NSD2: variants seen among roughly 807,000 people sequenced by gnomAD.
NSD2 encodes histone-lysine N-methyltransferase NSD2.
A neutral mutation model predicts 139.0 loss-of-function variants in NSD2; 12 were observed. The ratio of observed to expected loss-of-function variants is 0.09; its 90% CI spans 0.06 to 0.14. NSD2 has a LOEUF of 0.14. NSD2 is among the 10% of genes least tolerant of loss of function. The pLI is 1.00. For missense variants in NSD2, 1,155 were observed against 1,745.0 expected (o/e 0.66, Z 6.02); for synonymous variants, 669 against 648.7 (o/e 1.03, Z -0.48).
In NSD2 at chr4:1,972,274, A is replaced by T. The variant is rs1472298788; in HGVS notation, c.3373-2589A>T. On this transcript the variant is annotated intron_variant, in intron 18 of 21. Transcript: ENST00000508803. The surrounding 1 kb of genome is among the most constrained non-coding windows in gnomAD (Gnocchi z 4.0). ...GTCACTGACGGACACAAGAGATGATATGGATGAGTGGCGGTACAGGCTATG... is the reference window on the plus strand; with the variant it reads ...GTCACTGACGGACACAAGAGATGATTTGGATGAGTGGCGGTACAGGCTATG... 1.3e-5 allele frequency among the ~76,000 whole-genome samples: 2 copies of T among 152,146 alleles called. No individual in the cohort carries two copies. The highest frequency in any genetic ancestry group is 2.9e-5 in the Non-Finnish European group (2 of 68,022).
chr4:1,974,203 G>A lies in NSD2; in HGVS notation c.3373-660G>A, dbSNP rs1366633219. 2.6e-5 allele frequency among the ~76,000 whole-genome samples: 4 copies of A among 151,688 alleles called. No individual in the cohort carries two copies. Among genetic ancestry groups the A allele is most frequent in the African/African-American group, 9.7e-5 (4 of 41,202 alleles). ...TTCTTTGCATCCTTTGCTGGTTTTC[G>A]GTTGGGTGAGTCTTTTTTTTTTTTG... On this transcript the variant is annotated intron_variant, in intron 18 of 21. Coordinates refer to ENST00000508803, the MANE Select transcript of NSD2 (RefSeq NM_001042424.3). The surrounding 1 kb of genome is among the most constrained non-coding windows in gnomAD (Gnocchi z 4.0).
intron 5 of NSD2, among the ~76,000 whole-genome samples, chr4:1,925,014 C>T (rs1459411426): frequency 6.6e-6 from 1 of 152,180 alleles, no homozygotes; most frequent in Non-Finnish European, 1.5e-5. Context: ...GCCCATGGGG[C>T]CTCCCTTCCC....
At position 1,918,572 on chromosome 4, in the gene NSD2, G is replaced by A. The variant is rs1719720566; in HGVS notation, c.1359G>A (p.Lys453=). 1 of 1,613,948 alleles carries A rather than the reference G, an allele frequency of 6.2e-7. No individual in the cohort carries two copies. Among genetic ancestry groups the A allele is most frequent in the East Asian group, 2.2e-5 (1 of 44,876 alleles). Reference sequence around the variant, plus strand: ...CAGTCTCCATGCCACGAAGCAGGAAGGGAGATGCAGCATCCCAGTTTTTGG... The same window carrying A: ...CAGTCTCCATGCCACGAAGCAGGAAAGGAGATGCAGCATCCCAGTTTTTGG... The part of the protein sequence containing the change: ...KTTVSMPRSR[K]GDAASQFLVF... The change falls in exon 5 of 22, where the codon AAG becomes AAA. Residue 453 remains lysine (K), a synonymous_variant. Coordinates refer to ENST00000508803, the MANE Select transcript of NSD2 (RefSeq NM_001042424.3).
chr4:1,959,389 T>C, intron 16 of NSD2, 82 bp from the exon 17 acceptor site: 1 of 1,533,806 alleles, frequency 6.5e-7, no homozygotes, highest in Non-Finnish European at 8.9e-7. Flanking sequence ...GGAGGCTGGG[T>C]AAGGAGAGGC....
chr4:1,932,505 G>C (rs1721770858), intron 6 of NSD2, among the ~76,000 whole-genome samples: 1 of 151,652 alleles, frequency 6.6e-6, no homozygotes, highest in African/African-American at 2.4e-5. Context: ...CCAGCACTTT[G>C]GGAGGCCGAG....
At chr4:1,908,817 C>T (rs1718283220) in intron 3 of NSD2, among the ~76,000 whole-genome samples, 1 of 152,068 alleles carries the variant, frequency 6.6e-6, no homozygotes, top group Admixed American at 6.6e-5. Flanking sequence ...CTCTGTTGCT[C>T]TGTCCAGGCT....
chr4:1,968,387 G>A (rs922368912), intron 18 of NSD2, among the ~76,000 whole-genome samples: 12 of 152,196 alleles, frequency 7.9e-5, no homozygotes, highest in East Asian at 3.8e-4. Flanking sequence ...AGGGAGCACC[G>A]GGAGCGTGGT....
chr4:1,926,432 T>C (rs910222685), intron 5 of NSD2, among the ~76,000 whole-genome samples: 13 of 151,556 alleles, frequency 8.6e-5, no homozygotes, highest in Non-Finnish European at 1.0e-4. Context: ...CGATTACAGG[T>C]GTGAGCCACC....
At chr4:1,938,887 C>T (rs1017748972) in intron 8 of NSD2, among the ~76,000 whole-genome samples, 3 of 152,110 alleles carry the variant, frequency 2.0e-5, no homozygotes, top group Non-Finnish European at 4.4e-5. Flanking sequence ...TTCTGTCACC[C>T]TTCAGTACCC....
intron 1 of NSD2, among the ~76,000 whole-genome samples, chr4:1,887,911 CT>C (rs61238782): frequency 0.013 from 1,974 of 149,034 alleles, 45 homozygotes; most frequent in Middle Eastern, 0.062. Flanking sequence ...TCCTTTTTTT[CT>C]TTTTTTTTTC....
intron 3 of NSD2, among the ~76,000 whole-genome samples, chr4:1,911,543 G>T (rs1393823404): frequency 7.3e-6 from 1 of 136,352 alleles, no homozygotes; most frequent in Non-Finnish European, 1.5e-5. Context: ...ACCCGAGATC[G>T]CAGTACTGCA....
rs1474400103 is a variant in NSD2, at chr4:1,958,952, C to T, written c.2986-519C>T. 6.6e-6 allele frequency among the ~76,000 whole-genome samples: 1 copy of T among 152,202 alleles called. No homozygotes were observed. Among genetic ancestry groups the T allele is most frequent in the Non-Finnish European group, 1.5e-5 (1 of 68,038 alleles). On this transcript the variant is annotated intron_variant, in intron 16 of 21. Coordinates refer to ENST00000508803, the MANE Select transcript of NSD2 (RefSeq NM_001042424.3). This position sits in a 1 kb window ranked among gnomAD's most constrained non-coding sequence, Gnocchi z 4.6. Reference sequence around the variant, plus strand: ...ACTGCTTTGTTATTTGGTTGCTTGTCTTTCACTAATAGTAAACCACAAGGT... The same window carrying T: ...ACTGCTTTGTTATTTGGTTGCTTGTTTTTCACTAATAGTAAACCACAAGGT...
chr4:1,878,012 G>GT (rs1714386000), intron 1 of NSD2, among the ~76,000 whole-genome samples: 1 of 151,860 alleles, frequency 6.6e-6, no homozygotes, highest in Non-Finnish European at 1.5e-5. Flanking sequence ...CTGGGTGGCA[G>GT]TAAGACTCTG....
chr4:1,975,423 C>T (rs1195725867), intron 20 of NSD2, 23 bp downstream of exon 20: 7 of 1,602,480 alleles, frequency 4.4e-6, no homozygotes, highest in South Asian at 2.2e-5. Flanking sequence ...CGCCCTCCTT[C>T]CCCCCAGGCT....
intron 5 of NSD2, among the ~76,000 whole-genome samples, chr4:1,921,114 G>T (rs891740895): frequency 2.0e-5 from 3 of 152,136 alleles, no homozygotes; most frequent in African/African-American, 7.2e-5. Context: ...TCTGTTTAAG[G>T]ATATGTATCA....
chr4:1,881,348 C>T (rs529914988), intron 1 of NSD2, among the ~76,000 whole-genome samples: 3 of 152,248 alleles, frequency 2.0e-5, no homozygotes, highest in South Asian at 4.1e-4. Flanking sequence ...CTGCAACCTC[C>T]GCCTCCTGGG....
chr4:1,908,363 C>T (rs1205836632), intron 3 of NSD2, among the ~76,000 whole-genome samples: 1 of 152,238 alleles, frequency 6.6e-6, no homozygotes, highest in East Asian at 1.9e-4. Context: ...CTCACCTCAG[C>T]AGTCGGCTTC....
At chr4:1,932,760 A>C (rs545876154) in intron 6 of NSD2, among the ~76,000 whole-genome samples, 5 of 152,362 alleles carry the variant, frequency 3.3e-5, no homozygotes, top group African/African-American at 1.2e-4. Context: ...TCTCAAAAAA[A>C]ATGAAAATCC....
chr4:1,945,694 G>C, intron 9 of NSD2: 1 of 1,063,094 alleles, frequency 9.4e-7, no homozygotes, highest in Non-Finnish European at 1.1e-6. Context: ...TCCTTGGCTC[G>C]TTTGATCCAG....
Sources: allele counts gnomAD v4.1 joint callset (sites outside exome capture counted in the v4.1 genomes callset), GRCh38; gene constraint gnomAD v4.1.1; non-coding constraint Gnocchi (gnomAD v3.1); transcripts MANE v1.5; gene names NCBI Gene and HGNC (gene_info 2026-07-23, HGNC 2026-07-21).